SLC22A24: variants seen among roughly 807,000 people sequenced by gnomAD.
SLC22A24 encodes the protein steroid transmembrane transporter SLC22A24.
Under a neutral mutation model 49.8 loss-of-function variants are expected in SLC22A24, and 53 were observed. The observed-to-expected ratio is 1.06, with a 90% CI of 0.85 to 1.34. The LOEUF is 1.34. SLC22A24 is among the 40% of genes most tolerant of loss of function. SLC22A24 has a pLI of 0.00. For synonymous variants in SLC22A24, 302 were observed against 256.4 expected (o/e 1.18, Z -1.70); for missense variants, 786 against 675.9 (o/e 1.16, Z -1.81).
At chr11:63,120,837 G>A (rs55715444) in intron 2 of SLC22A24, among the ~76,000 whole-genome samples, 3,963 of 152,092 alleles carry the variant, frequency 0.026, 145 homozygotes, top group African/African-American at 0.089. Flanking sequence ...TACTAAATTT[G>A]TATGAGGCAA....
At chr11:63,122,767 G>A (rs983747848) in intron 2 of SLC22A24, among the ~76,000 whole-genome samples, 11 of 152,050 alleles carry the variant, frequency 7.2e-5, no homozygotes, top group Admixed American at 6.6e-5. Flanking sequence ...TGATCCGCTA[G>A]CCTCGGCCTC....
At chr11:63,140,549 G>T (rs1173238673) in intron 1 of SLC22A24, among the ~76,000 whole-genome samples, 1 of 152,148 alleles carries the variant, frequency 6.6e-6, no homozygotes, top group Admixed American at 6.5e-5. Flanking sequence ...GATTATAGAT[G>T]AGGCTTGGGG....
chr11:63,115,353 G>T (rs191607236), intron 4 of SLC22A24, among the ~76,000 whole-genome samples: 1 of 152,336 alleles, frequency 6.6e-6, no homozygotes, highest in African/African-American at 2.4e-5. Flanking sequence ...GGCTCCGTGG[G>T]CATGGGACCC....
intron 5 of SLC22A24, among the ~76,000 whole-genome samples, chr11:63,099,371 A>AGTTTTTTT (rs2087076365): frequency 1.9e-5 from 1 of 52,320 alleles, no homozygotes; most frequent in East Asian, 7.6e-4. Flanking sequence ...AATTTTTAAG[A>AGTTTTTTT]TTTTTTTTTT....
At chr11:63,115,918 C>T in intron 4 of SLC22A24, 1 of 305,110 alleles carries the variant, frequency 3.3e-6, no homozygotes, top group Non-Finnish European at 6.2e-6. Context: ...CCTTTGGGAG[C>T]CTGAGCTGGA....
chr11:63,111,602 A>G (rs978828948), intron 4 of SLC22A24, among the ~76,000 whole-genome samples: 34 of 151,520 alleles, frequency 2.2e-4, no homozygotes, highest in African/African-American at 8.2e-4. Flanking sequence ...CGAGGAATTT[A>G]TCCATTTCTT....
chr11:63,133,118 G>C lies in SLC22A24; in HGVS notation c.506+1547C>G, dbSNP rs557206352. Reference sequence around the variant, plus strand: ...GCTCAGTGGGCATGGGACCCACCGAGCCAGGCATGCGAGGGAATCTCCTGA... The same window carrying C: ...GCTCAGTGGGCATGGGACCCACCGACCCAGGCATGCGAGGGAATCTCCTGA... On this transcript the variant is annotated intron_variant, in intron 2 of 9. Transcript: ENST00000612278. 2.0e-5 allele frequency among the ~76,000 whole-genome samples: 3 copies of C among 152,330 alleles called. No individual in the cohort carries two copies. The South Asian group carries it at 6.2e-4, about 32-fold the overall frequency.
chr11:63,086,764 T>C (rs2086988837), intron 6 of SLC22A24, among the ~76,000 whole-genome samples: 2 of 152,134 alleles, frequency 1.3e-5, no homozygotes, highest in Admixed American at 6.5e-5. Flanking sequence ...ATACAATATC[T>C]CAAAATATAT....
chr11:63,089,807 C>A (rs77650092), intron 6 of SLC22A24, among the ~76,000 whole-genome samples: 2 of 151,922 alleles, frequency 1.3e-5, no homozygotes, highest in Non-Finnish European at 2.9e-5. Context: ...CAAGGCCGGC[C>A]GCGGTGGCTC....
chr11:63,083,212 C>T (rs4963356), intron 7 of SLC22A24, 31 bp downstream of exon 7: 772,925 of 1,526,962 alleles, frequency 0.51, 197,280 homozygotes, highest in Non-Finnish European at 0.52. Context: ...GGGGTAACTA[C>T]TTTCTTTCCT....
At chr11:63,080,718 C>T (rs993936376) in intron 9 of SLC22A24, among the ~76,000 whole-genome samples, 3 of 152,140 alleles carry the variant, frequency 2.0e-5, no homozygotes, top group Non-Finnish European at 4.4e-5. Context: ...GTCTGTGTGA[C>T]ATAGAGGGCC....
intron 2 of SLC22A24, among the ~76,000 whole-genome samples, chr11:63,122,736 G>A (rs528514495): frequency 6.6e-6 from 1 of 152,184 alleles, no homozygotes; most frequent in Non-Finnish European, 1.5e-5. Context: ...TGGCCAGGAT[G>A]GTCTTGATCT....
At chr11:63,081,268 A>G (rs769031418) in intron 8 of SLC22A24, 145 bp from the exon 9 acceptor site, 15 of 719,404 alleles carry the variant, frequency 2.1e-5, no homozygotes, top group Non-Finnish European at 2.7e-5. Flanking sequence ...TGTGACATTT[A>G]CCTCTGTTGG....
intron 4 of SLC22A24, among the ~76,000 whole-genome samples, chr11:63,111,601 T>C (rs1424085657): frequency 6.6e-6 from 1 of 151,550 alleles, no homozygotes; most frequent in Non-Finnish European, 1.5e-5. Flanking sequence ...TCGAGGAATT[T>C]ATCCATTTCT....
rs191849634 is a variant in SLC22A24, at chr11:63,127,411, C to T, written c.506+7254G>A. On this transcript the variant is annotated intron_variant, in intron 2 of 9. Transcript: ENST00000612278. ...CATTTGGGTTGGTTCCAAGTCTTTG[C>T]TATTGTGAATAGTGCCACAATAAAC... Among the ~76,000 whole-genome samples the T allele has an allele frequency of 2.6e-5, 4 of 152,292 alleles. No individual in the cohort carries two copies. In the East Asian group the frequency reaches 7.7e-4, roughly 29 times the overall value.
chr11:63,121,427 T>C (rs2087251096), intron 2 of SLC22A24, among the ~76,000 whole-genome samples: 1 of 151,886 alleles, frequency 6.6e-6, no homozygotes, highest in South Asian at 2.1e-4. Flanking sequence ...TAGGAAAAAA[T>C]TGTTGGGGGA....
In SLC22A24 at chr11:63,118,525, A is replaced by C. The variant is rs528316505; in HGVS notation, c.830+387T>G. The stretch of plus-strand genomic sequence containing the variant: ...AGAGACAGCATGCTCTTCTAATTTT[A>C]AATAGTTATGTAGATAAATTTATTG... On this transcript the variant is annotated intron_variant, in intron 4 of 9. Coordinates refer to ENST00000612278, the MANE Select transcript of SLC22A24 (RefSeq NM_001136506.2). 6 of 365,754 alleles carry C rather than the reference A, an allele frequency of 1.6e-5. No homozygotes were observed. The South Asian group carries it at 3.3e-4, about 20-fold the overall frequency. The allele number at this position is 365,754 out of a possible 1,614,324, so 22.7% of individuals were successfully genotyped here. A position where few individuals can be genotyped will look rare whatever the true frequency, so the allele number is the denominator to read the frequency against.
chr11:63,081,140 C>T lies in SLC22A24; in HGVS notation c.1395-17G>A. 3 of 1,545,774 alleles carry T rather than the reference C, an allele frequency of 1.9e-6. No individual in the cohort carries two copies. The highest frequency in any genetic ancestry group is 2.6e-6 in the Non-Finnish European group (3 of 1,141,952). Reference sequence around the variant, plus strand: ...ACTGTTGACCTTAGAGTGCAAATAACAATACAAAAAATCTTGTATGAATCT... The same window carrying T: ...ACTGTTGACCTTAGAGTGCAAATAATAATACAAAAAATCTTGTATGAATCT... On this transcript the variant is annotated splice_polypyrimidine_tract_variant and intron_variant, in intron 8 of 9. Coordinates refer to ENST00000612278, the MANE Select transcript of SLC22A24 (RefSeq NM_001136506.2).
At chr11:63,104,624 A>C (rs1266374504) in intron 4 of SLC22A24, among the ~76,000 whole-genome samples, 2 of 152,188 alleles carry the variant, frequency 1.3e-5, no homozygotes, top group Non-Finnish European at 2.9e-5. Context: ...GGGAGGCCTC[A>C]GAATCATGGT....
Sources: allele counts gnomAD v4.1 joint callset (sites outside exome capture counted in the v4.1 genomes callset), GRCh38; gene constraint gnomAD v4.1.1; transcripts MANE v1.5; gene names NCBI Gene and HGNC (gene_info 2026-07-23, HGNC 2026-07-21).